VPS45: variants seen among roughly 807,000 people sequenced by gnomAD.
VPS45 encodes vacuolar protein sorting-associated protein 45.
A neutral mutation model predicts 75.9 loss-of-function variants in VPS45; 35 were observed. That is an observed-to-expected ratio of 0.46 (90% CI 0.35 to 0.61). The LOEUF is 0.61. Ranked by LOEUF, VPS45 falls within the 20% of genes least tolerant of loss-of-function variation. The pLI is 0.00. For synonymous variants in VPS45, 220 were observed against 238.2 expected (o/e 0.92, Z 0.70); for missense variants, 559 against 685.9 (o/e 0.81, Z 2.07).
At chr1:150,075,180 A>G (rs1388949866) in intron 3 of VPS45, among the ~76,000 whole-genome samples, 8 of 144,360 alleles carry the variant, frequency 5.5e-5, no homozygotes, top group African/African-American at 2.0e-4. Flanking sequence ...AATCAGGATC[A>G]AAGTAAGGTT....
At chr1:150,068,205 A>G (rs1292158846) in intron 1 of VPS45, 1 of 493,184 alleles carries the variant, frequency 2.0e-6, no homozygotes, top group Non-Finnish European at 3.6e-6. Flanking sequence ...GTCCCCGCCA[A>G]GAAATCATTA....
chr1:150,120,120 T>TG (rs1343404877), intron 14 of VPS45, among the ~76,000 whole-genome samples: 3 of 151,508 alleles, frequency 2.0e-5, no homozygotes, highest in African/African-American at 7.3e-5. Flanking sequence ...AAAAAAATAA[T>TG]AAATCTGAGA....
intron 3 of VPS45, among the ~76,000 whole-genome samples, chr1:150,072,483 C>A (rs1230844844): frequency 1.3e-5 from 2 of 151,984 alleles, no homozygotes; most frequent in Non-Finnish European, 2.9e-5. Flanking sequence ...CATGGTGAAA[C>A]CCCATCTCTA....
chr1:150,076,085 A>T lies in VPS45; in HGVS notation c.290-148A>T, dbSNP rs1010689202. On this transcript the variant is annotated intron_variant, in intron 3 of 14. Coordinates refer to ENST00000644510, the MANE Select transcript of VPS45 (RefSeq NM_007259.5). ...TAAAATATATATATATATATATATA[A>T]AATTATGAATTTGTGGATTAAATAT... 2.1e-4 allele frequency: 42 copies of T among 198,154 alleles called. 1 individual carries two copies. The highest frequency in any genetic ancestry group is 1.2e-3 in the East Asian group (10 of 8,310). The allele number at this position is 198,154 out of a possible 1,614,324, so 12.3% of individuals were successfully genotyped here. A position where few individuals can be genotyped will look rare whatever the true frequency, so the allele number is the denominator to read the frequency against.
At chr1:150,120,864 C>CTTTTTTTTTTTTTTTTTTTTTTTTTTTTT (rs370159689) in intron 14 of VPS45, among the ~76,000 whole-genome samples, 1 of 86,062 alleles carries the variant, frequency 1.2e-5, no homozygotes, top group Non-Finnish European at 2.4e-5. Flanking sequence ...TAGCAACATT[C>CTTTTTTTTTTTTTTTTTTTTTTTTTTTTT]TTTTTTTTTT....
At chr1:150,128,881 A>C (rs1658662962) in intron 14 of VPS45, among the ~76,000 whole-genome samples, 1 of 152,188 alleles carries the variant, frequency 6.6e-6, no homozygotes. Context: ...CTAGGACTAC[A>C]AGTGCGTGCC....
intron 13 of VPS45, among the ~76,000 whole-genome samples, chr1:150,107,730 G>A (rs79904300): frequency 0.029 from 4,477 of 152,148 alleles, 147 homozygotes; most frequent in Admixed American, 0.076. Flanking sequence ...GTGAAACCTC[G>A]TCTCTATTAA....
At chr1:150,077,480 A>G in intron 6 of VPS45, 189 bp from the exon 7 acceptor site, 1 of 669,982 alleles carries the variant, frequency 1.5e-6, no homozygotes, top group South Asian at 2.1e-5. Flanking sequence ...CTTATAAAAT[A>G]GGGTTTCATA....
At chr1:150,083,714 T>G (rs1655852919) in intron 10 of VPS45, among the ~76,000 whole-genome samples, 1 of 149,172 alleles carries the variant, frequency 6.7e-6, no homozygotes, top group Admixed American at 6.7e-5. Flanking sequence ...TATACATATA[T>G]TTAAATATAT....
At chr1:150,088,813 A>G (rs1178378768) in intron 10 of VPS45, among the ~76,000 whole-genome samples, 2 of 152,022 alleles carry the variant, frequency 1.3e-5, no homozygotes, top group East Asian at 1.9e-4. Context: ...TCATCTGTTG[A>G]TGGACATTTA....
chr1:150,096,182 T>A (rs587676137), intron 13 of VPS45, among the ~76,000 whole-genome samples: 1 of 152,160 alleles, frequency 6.6e-6, no homozygotes, highest in South Asian at 2.1e-4. Context: ...ATATTGAGAG[T>A]TGACAAAAAC....
chr1:150,102,937 G>A (rs782183380), intron 13 of VPS45, among the ~76,000 whole-genome samples: 12 of 152,034 alleles, frequency 7.9e-5, no homozygotes, highest in Non-Finnish European at 1.6e-4. Flanking sequence ...ATAACTGGGT[G>A]ATGTAATAAT....
intron 13 of VPS45, among the ~76,000 whole-genome samples, chr1:150,107,774 G>A (rs899473326): frequency 2.0e-5 from 3 of 152,168 alleles, no homozygotes; most frequent in Non-Finnish European, 2.9e-5. Context: ...GGTGGCGCAC[G>A]CCTGTATTCC....
chr1:150,102,307 CG>C (rs761270821), intron 13 of VPS45, among the ~76,000 whole-genome samples: 214 of 148,854 alleles, frequency 1.4e-3, no homozygotes, highest in Non-Finnish European at 2.4e-3. Flanking sequence ...CCCAGCACTT[CG>C]GGAGGCCGAA....
At chr1:150,084,151 T>G (rs1326227707) in intron 10 of VPS45, among the ~76,000 whole-genome samples, 3 of 152,104 alleles carry the variant, frequency 2.0e-5, no homozygotes, top group African/African-American at 7.2e-5. Context: ...TAATAAACAG[T>G]TTGACCTGTA....
chr1:150,071,995 T>A (rs1299622723), intron 2 of VPS45, among the ~76,000 whole-genome samples, 171 bp from the exon 3 acceptor site: 3 of 147,936 alleles, frequency 2.0e-5, no homozygotes, highest in African/African-American at 8.0e-5. Context: ...GATCATTGTA[T>A]TTAATTTATC....
At chr1:150,092,437 G>C (rs376389597) in intron 12 of VPS45, 28 bp downstream of exon 12, 20 of 1,584,944 alleles carry the variant, frequency 1.3e-5, no homozygotes, top group Non-Finnish European at 1.6e-5. Context: ...ATGCTCTCCT[G>C]AGTGAGAACA....
At position 150,125,980 on chromosome 1, in the gene VPS45, C is replaced by G. The variant is rs1658494897; in HGVS notation, c.1625+15353C>G. Reference sequence around the variant, plus strand: ...GGATTATAGATATGAGCCACTGCCCCTGGCCAAGCTTACATTTTTAATATA... The same window carrying G: ...GGATTATAGATATGAGCCACTGCCCGTGGCCAAGCTTACATTTTTAATATA... On this transcript the variant is annotated intron_variant, in intron 14 of 14. Transcript: ENST00000644510. 2.0e-5 allele frequency among the ~76,000 whole-genome samples: 3 copies of G among 152,014 alleles called. No homozygotes were observed. The South Asian group carries it at 6.2e-4, about 32-fold the overall frequency.
intron 14 of VPS45, among the ~76,000 whole-genome samples, chr1:150,136,444 A>G (rs1659102832): frequency 6.6e-6 from 1 of 151,886 alleles, no homozygotes; most frequent in Non-Finnish European, 1.5e-5. Flanking sequence ...AATCCCAGCT[A>G]TTGAGGAGGC....
Sources: gnomAD v4.1 joint callset for allele counts (sites outside exome capture counted in the v4.1 genomes callset) on GRCh38, gnomAD v4.1.1 for gene constraint, MANE v1.5 for transcripts, NCBI Gene and HGNC (gene_info 2026-07-23, HGNC 2026-07-21) for gene names.